Variants in TNS1 observed in about 807,000 individuals in gnomAD.
The protein encoded by TNS1 is tensin-1.
Under a neutral mutation model 168.6 loss-of-function variants are expected in TNS1, and 62 were observed. That is an observed-to-expected ratio of 0.37 (90% CI 0.30 to 0.45). The LOEUF is 0.45. Ranked by LOEUF, TNS1 falls within the 20% of genes least tolerant of loss-of-function variation. The pLI is 1.00. For missense variants in TNS1, 2,240 were observed against 2,339.4 expected, an observed-to-expected ratio of 0.96 and a Z score of 0.88; for synonymous variants, 934 against 933.2, an observed-to-expected ratio of 1.00 and a Z score of -0.02.
chr2:217,866,208 A>C (rs1949257509), intron 18 of TNS1, among the ~76,000 whole-genome samples: 1 of 152,252 alleles, frequency 6.6e-6, no homozygotes, highest in African/African-American at 2.4e-5. Flanking sequence ...GCAGCAGACT[A>C]GGAGCCAAAG....
At chr2:217,821,616 C>T (rs1359341130) in intron 23 of TNS1, 124 bp downstream of exon 23, 16 of 976,666 alleles carry the variant, frequency 1.6e-5, no homozygotes, top group East Asian at 9.5e-5. Flanking sequence ...TGCAAGGTAC[C>T]GCCATCTGGG....
At chr2:217,964,460 C>G (rs867475923) in intron 3 of TNS1, among the ~76,000 whole-genome samples, 3 of 152,222 alleles carry the variant, frequency 2.0e-5, no homozygotes, top group Admixed American at 6.5e-5. Flanking sequence ...GGTCCTGGTT[C>G]CACCACCTTA....
At chr2:217,863,072 G>C (rs1948935032) in intron 18 of TNS1, among the ~76,000 whole-genome samples, 1 of 152,038 alleles carries the variant, frequency 6.6e-6, no homozygotes, top group Admixed American at 6.5e-5. Flanking sequence ...GTCCCTTCCT[G>C]TCAAGTTCTT....
intron 9 of TNS1, among the ~76,000 whole-genome samples, 166 bp from the exon 10 acceptor site, chr2:217,893,727 G>A (rs944247685): frequency 9.2e-5 from 14 of 152,276 alleles, no homozygotes; most frequent in Non-Finnish European, 1.9e-4. Flanking sequence ...GGAGGCAGGG[G>A]AGTGAAGGGC....
intron 20 of TNS1, 65 bp from the exon 21 acceptor site, chr2:217,835,231 G>T: frequency 6.7e-7 from 1 of 1,489,136 alleles, no homozygotes; most frequent in Non-Finnish European, 9.2e-7. Context: ...CCCTTCAGAT[G>T]ACCTGAGGTA....
upstream of TNS1, among the ~76,000 whole-genome samples, chr2:218,005,314 G>A (rs559194999): frequency 3.9e-5 from 6 of 152,296 alleles, no homozygotes; most frequent in Non-Finnish European, 7.4e-5. Context: ...TACACAGCCC[G>A]AGGAGGCCCT....
chr2:217,842,825 G>C (rs116651932), intron 19 of TNS1, among the ~76,000 whole-genome samples: 1 of 151,982 alleles, frequency 6.6e-6, no homozygotes, highest in East Asian at 1.9e-4. Flanking sequence ...CTCCTGCCTC[G>C]GGGCCTCTGC....
At chr2:217,824,790 A>G (rs1943372331) in intron 22 of TNS1, among the ~76,000 whole-genome samples, 1 of 152,046 alleles carries the variant, frequency 6.6e-6, no homozygotes, top group Admixed American at 6.5e-5. Flanking sequence ...AGACCCTTCC[A>G]GGCACTCATC....
At position 217,848,163 on chromosome 2, in the gene TNS1, G is replaced by GGCT. The variant is rs3839056; in HGVS notation, c.2351_2353dup (p.Gln784dup). The stretch of plus-strand genomic sequence containing the variant: ...TTCCTGCTGGCGTGGAGGTGGGCGA[G>GGCT]GCTGCTGCTGCTGCTGCTGCTGCTG... On this transcript the variant is annotated inframe_insertion, in exon 19 of 33. Transcript: ENST00000682258. 2,376 of 1,501,826 alleles carry GGCT rather than the reference G, an allele frequency of 1.6e-3. 6 individuals are homozygous for GGCT. The highest frequency in any genetic ancestry group is 0.012 in the African/African-American group (875 of 71,752). 93.0% of individuals were successfully genotyped at this position (1,501,826 alleles called of 1,614,324 possible). A position where few individuals can be genotyped will look rare whatever the true frequency, so the allele number is the denominator to read the frequency against.
chr2:217,915,197 G>A (rs1954866212), intron 4 of TNS1, among the ~76,000 whole-genome samples: 1 of 152,216 alleles, frequency 6.6e-6, no homozygotes, highest in Non-Finnish European at 1.5e-5. Flanking sequence ...CCTTGATGGA[G>A]CGAGCCCGCA....
rs1283358506 is a variant in TNS1, at chr2:217,948,881, C to T, written c.187-28645G>A. Among the ~76,000 whole-genome samples, 1 of 151,692 alleles carries T rather than the reference C, an allele frequency of 6.6e-6. No individual in the cohort carries two copies. Among genetic ancestry groups the T allele is most frequent in the Non-Finnish European group, 1.5e-5 (1 of 67,952 alleles). On this transcript the variant is annotated intron_variant, in intron 3 of 32. Coordinates refer to ENST00000682258, the MANE Select transcript of TNS1 (RefSeq NM_001387777.1). This position sits in a 1 kb window ranked among gnomAD's most constrained non-coding sequence, Gnocchi z 4.1. The stretch of plus-strand genomic sequence containing the variant: ...GTGCACAGCGCCAGGCCCTTTGCTG[C>T]ACATCCCCACCTCGGGAAGGAGAAG...
intron 4 of TNS1, among the ~76,000 whole-genome samples, chr2:217,912,555 G>A (rs1954547979): frequency 6.6e-6 from 1 of 152,218 alleles, no homozygotes; most frequent in Admixed American, 6.5e-5. Flanking sequence ...GAGCTGGCAG[G>A]GAGGGCTAGC....
At position 217,818,062 on chromosome 2, in the gene TNS1, G is replaced by C. The variant is rs192246394; in HGVS notation, c.4270C>G (p.His1424Asp). ...GTAGAATAGCCACCATAGGCCACAT[G>C]CCGGTCCAAGCAGGGGCTGCCGGGA... ...VVPGSPCLDR[H>D]VAYGGYSTPE... is the part of the protein sequence containing the mutation. Residue 1424 changes from histidine (H) to aspartate (D), a missense_variant, in exon 24 of 33, where the codon CAT becomes GAT. His to Asp is a moderately conservative substitution (Grantham distance 81). This residue lies in a region of TNS1 where 2,131 missense variants were observed against 2,171.2 expected (regional missense o/e 0.98). Transcript: ENST00000682258. 3.1e-6 allele frequency: 5 copies of C among 1,610,784 alleles called. No homozygotes were observed. The highest frequency in any genetic ancestry group is 4.2e-6 in the Non-Finnish European group (5 of 1,178,558).
intron 3 of TNS1, among the ~76,000 whole-genome samples, chr2:217,960,824 T>C (rs1345861079): frequency 2.0e-5 from 3 of 152,056 alleles, no homozygotes; most frequent in African/African-American, 7.2e-5. Context: ...TGTTTCCCCC[T>C]AGGCTGTCCT....
At position 217,946,988 on chromosome 2, in the gene TNS1, C is replaced by CAT. The variant is rs1575128523; in HGVS notation, c.187-26753_187-26752insAT. ...TCTCTCTCACACACACACACACACA[C>CAT]ACACACAGTAAAAACTGCTCTCTGA... On this transcript the variant is annotated intron_variant, in intron 3 of 32. Transcript: ENST00000682258. 3.3e-5 allele frequency among the ~76,000 whole-genome samples: 5 copies of CAT among 151,536 alleles called. No individual in the cohort carries two copies. In the East Asian group the frequency reaches 9.7e-4, roughly 29 times the overall value.
chr2:217,922,047 C>T (rs1399351311), intron 3 of TNS1, among the ~76,000 whole-genome samples: 1 of 152,136 alleles, frequency 6.6e-6, no homozygotes, highest in Non-Finnish European at 1.5e-5. Context: ...ACAGAACTGC[C>T]CCCAGAAGCC....
At chr2:217,886,206 G>A in intron 13 of TNS1, 102 bp from the exon 14 acceptor site, 1 of 1,233,844 alleles carries the variant, frequency 8.1e-7, no homozygotes, top group Admixed American at 1.9e-5. Flanking sequence ...AGGAAGAAAT[G>A]GGGGAAGACG....
intron 18 of TNS1, among the ~76,000 whole-genome samples, chr2:217,876,603 T>C (rs1950225862): frequency 6.6e-6 from 1 of 152,154 alleles, no homozygotes; most frequent in South Asian, 2.1e-4. Context: ...TGTTCCCCCA[T>C]TCAGATTCCT....
At chr2:217,858,158 C>T (rs1412880861) in intron 18 of TNS1, among the ~76,000 whole-genome samples, 1 of 152,136 alleles carries the variant, frequency 6.6e-6, no homozygotes, top group South Asian at 2.1e-4. Flanking sequence ...ACCCCATTCG[C>T]GCACAAGACG....
Sources: allele counts gnomAD v4.1 joint callset (sites outside exome capture counted in the v4.1 genomes callset), GRCh38; gene constraint gnomAD v4.1.1; regional missense constraint gnomAD v4.1.1; non-coding constraint Gnocchi (gnomAD v3.1); transcripts MANE v1.5; gene names NCBI Gene and HGNC (gene_info 2026-07-23, HGNC 2026-07-21).